RIMS2: variants seen among roughly 807,000 people sequenced by gnomAD.
RIMS2 encodes regulating synaptic membrane exocytosis 2.
RIMS2 carries 59 observed loss-of-function variants against 174.4 expected under a neutral mutation model. The observed-to-expected ratio is 0.34, with a 90% CI of 0.27 to 0.42. The LOEUF (loss-of-function observed/expected upper bound fraction) is 0.42. Among genes scored for constraint, RIMS2 ranks in the 10% least tolerant of loss-of-function variants. The pLI, the probability that RIMS2 is intolerant of heterozygous loss-of-function variation, is 1.00. For missense variants in RIMS2, 1,620 were observed against 1,666.3 expected, an observed-to-expected ratio of 0.97 and a Z score of 0.48; for synonymous variants, 606 against 572.5, an observed-to-expected ratio of 1.06 and a Z score of -0.84.
At chr8:104,056,746 C>T (rs2096875557) in intron 19 of RIMS2, among the ~76,000 whole-genome samples, 1 of 151,892 alleles carries the variant, frequency 6.6e-6, no homozygotes, top group African/African-American at 2.4e-5. Flanking sequence ...AACAGCTGAG[C>T]GTGGTATGCA....
intron 19 of RIMS2, among the ~76,000 whole-genome samples, chr8:104,166,316 T>C (rs2098798005): frequency 1.3e-5 from 2 of 152,054 alleles, no homozygotes; most frequent in South Asian, 4.1e-4. Flanking sequence ...TCCGCCCGCC[T>C]CTGCCTCCCA....
chr8:103,780,618 T>G lies in RIMS2; in HGVS notation c.698+14081T>G, dbSNP rs537239230. Among the ~76,000 whole-genome samples, 28 of 152,232 alleles carry G rather than the reference T, an allele frequency of 1.8e-4. No homozygotes were observed. The East Asian group carries it at 5.4e-3, about 29-fold the overall frequency. ...AATTATTTTAATATTGTTGCTAAAT[T>G]TCTCAGATGAATTCCTGAATTGCTT... is the stretch of plus-strand genomic sequence containing the variant. On this transcript the variant is annotated intron_variant, in intron 3 of 23. Transcript: ENST00000504942.
At chr8:103,892,948 A>G (rs1730449787) in intron 4 of RIMS2, among the ~76,000 whole-genome samples, 1 of 151,950 alleles carries the variant, frequency 6.6e-6, no homozygotes, top group South Asian at 2.1e-4. Flanking sequence ...ACTTTTGTGG[A>G]GGATATATTA....
chr8:104,244,419 A>C (rs567289041), intron 19 of RIMS2, among the ~76,000 whole-genome samples: 1 of 152,274 alleles, frequency 6.6e-6, no homozygotes, highest in East Asian at 1.9e-4. Context: ...AGACTTTCCT[A>C]TAAAAGTTAA....
downstream of RIMS2, chr8:104,253,742 A>G (rs2099363984): frequency 6.6e-6 from 1 of 152,188 alleles, no homozygotes; most frequent in Admixed American, 6.5e-5. Flanking sequence ...TTTTTGCATT[A>G]ATTTTTGAAA....
chr8:104,196,806 A>G (rs762388120), intron 19 of RIMS2, among the ~76,000 whole-genome samples: 4 of 152,188 alleles, frequency 2.6e-5, no homozygotes, highest in Non-Finnish European at 4.4e-5. Context: ...AACTTAGTAT[A>G]ACTTTAAAGT....
intron 17 of RIMS2, among the ~76,000 whole-genome samples, chr8:103,994,647 G>A (rs896526430): frequency 5.3e-5 from 8 of 152,108 alleles, no homozygotes; most frequent in African/African-American, 1.9e-4. Flanking sequence ...GAGTATGGCT[G>A]TGGACCTTAG....
At chr8:104,098,713 A>G (rs1394646465) in intron 19 of RIMS2, among the ~76,000 whole-genome samples, 2 of 152,224 alleles carry the variant, frequency 1.3e-5, no homozygotes, top group Non-Finnish European at 2.9e-5. Context: ...TTATCTAGCA[A>G]AAGATCTCAT....
chr8:103,519,343 G>A (rs1830533721), intron 1 of RIMS2, among the ~76,000 whole-genome samples: 1 of 152,066 alleles, frequency 6.6e-6, no homozygotes, highest in Non-Finnish European at 1.5e-5. Flanking sequence ...TTATGGAATT[G>A]TTTTGGAACA....
intron 19 of RIMS2, among the ~76,000 whole-genome samples, chr8:104,120,791 C>T (rs1171724115): frequency 6.6e-6 from 1 of 152,086 alleles, no homozygotes; most frequent in Non-Finnish European, 1.5e-5. Context: ...TATTCCCTAT[C>T]AAGACATAGC....
At chr8:103,776,574 T>A (rs895018335) in intron 3 of RIMS2, among the ~76,000 whole-genome samples, 12 of 152,122 alleles carry the variant, frequency 7.9e-5, no homozygotes, top group African/African-American at 2.9e-4. Context: ...TTGGTAATTT[T>A]AAAAATTTGC....
intron 3 of RIMS2, among the ~76,000 whole-genome samples, chr8:103,861,843 G>A (rs376093846): frequency 6.6e-5 from 10 of 151,956 alleles, no homozygotes; most frequent in African/African-American, 2.4e-4. Context: ...TTTTTCTCTA[G>A]TTGAGGTATT....
intron 1 of RIMS2, among the ~76,000 whole-genome samples, chr8:103,669,845 C>G (rs2096722990): frequency 6.6e-6 from 1 of 152,230 alleles, no homozygotes; most frequent in Admixed American, 6.5e-5. Context: ...TGTGGCTTTT[C>G]CAGGTGCACA....
At chr8:104,041,560 T>C (rs533898574) in intron 19 of RIMS2, among the ~76,000 whole-genome samples, 2 of 151,756 alleles carry the variant, frequency 1.3e-5, no homozygotes, top group East Asian at 3.9e-4. Flanking sequence ...AAAAGTAAAA[T>C]AATTAATTTT....
At chr8:104,023,810 T>C (rs1407278305) in intron 19 of RIMS2, among the ~76,000 whole-genome samples, 1 of 152,144 alleles carries the variant, frequency 6.6e-6, no homozygotes, top group Non-Finnish European at 1.5e-5. Context: ...AGGTAGATAA[T>C]GAAGAGGTCC....
intron 1 of RIMS2, among the ~76,000 whole-genome samples, chr8:103,682,415 A>G (rs1472335010): frequency 6.6e-6 from 1 of 152,172 alleles, no homozygotes; most frequent in Non-Finnish European, 1.5e-5. Context: ...TGTGACACAT[A>G]GTTTTAAATA....
At chr8:103,747,431 C>CA (rs144184832) in intron 2 of RIMS2, among the ~76,000 whole-genome samples, 10,417 of 144,844 alleles carry the variant, frequency 0.072, 432 homozygotes, top group Middle Eastern at 0.15. Context: ...ACGTTTTGAC[C>CA]AAAAAAAAAA....
chr8:104,231,063 G>A (rs950802005), intron 19 of RIMS2, among the ~76,000 whole-genome samples: 1 of 152,158 alleles, frequency 6.6e-6, no homozygotes, highest in African/African-American at 2.4e-5. Flanking sequence ...CTTCTGCCAA[G>A]GAAATGCTTC....
intron 14 of RIMS2, 73 bp downstream of exon 16, chr8:103,942,999 C>T: frequency 9.2e-7 from 1 of 1,090,476 alleles, no homozygotes; most frequent in Non-Finnish European, 1.3e-6. Context: ...TGATAAAGAA[C>T]TTGAAGATAT....
Sources: gnomAD v4.1 joint callset for allele counts (sites outside exome capture counted in the v4.1 genomes callset) on GRCh38, gnomAD v4.1.1 for gene constraint, MANE v1.5 for transcripts, NCBI Gene and HGNC (gene_info 2026-07-23, HGNC 2026-07-21) for gene names.